ZCCHC7: variants seen among roughly 807,000 people sequenced by gnomAD.
ZCCHC7 encodes the protein zinc finger CCHC-type containing 7.
ZCCHC7 carries 35 observed loss-of-function variants against 52.0 expected under a neutral mutation model. The observed-to-expected ratio is 0.67, with a 90% CI of 0.51 to 0.89. ZCCHC7 has a LOEUF of 0.89. Ranked by LOEUF, ZCCHC7 falls within the 40% of genes least tolerant of loss-of-function variation. ZCCHC7 has a pLI of 0.00. For missense variants in ZCCHC7, 574 were observed against 649.1 expected (o/e 0.88, Z 1.26); for synonymous variants, 217 against 221.5 (o/e 0.98, Z 0.18).
chr9:37,299,935 A>C (rs1425740598), intron 2 of ZCCHC7, among the ~76,000 whole-genome samples: 3 of 152,194 alleles, frequency 2.0e-5, no homozygotes, highest in Non-Finnish European at 4.4e-5. Flanking sequence ...AATGGATTGA[A>C]AATACAGTTT....
chr9:37,139,578 A>G (rs766984745), intron 2 of ZCCHC7, among the ~76,000 whole-genome samples: 13 of 151,988 alleles, frequency 8.6e-5, no homozygotes, highest in Non-Finnish European at 1.5e-4. Context: ...TAGAATTCCA[A>G]CTTTTGTCAG....
At chr9:37,343,309 G>C (rs930664986) in intron 6 of ZCCHC7, among the ~76,000 whole-genome samples, 1 of 152,186 alleles carries the variant, frequency 6.6e-6, no homozygotes, top group African/African-American at 2.4e-5. Context: ...TCAGGCTCTG[G>C]CCTAACAGCA....
At chr9:37,338,053 G>T (rs1238791257) in intron 6 of ZCCHC7, among the ~76,000 whole-genome samples, 1 of 152,130 alleles carries the variant, frequency 6.6e-6, no homozygotes, top group Non-Finnish European at 1.5e-5. Context: ...AGAAAATTGG[G>T]ATGCTTTTTA....
intron 2 of ZCCHC7, among the ~76,000 whole-genome samples, chr9:37,229,440 A>C (rs1825289928): frequency 6.6e-6 from 1 of 152,192 alleles, no homozygotes; most frequent in South Asian, 2.1e-4. Context: ...AGCCTCATGC[A>C]CACCTAGGCC....
intron 2 of ZCCHC7, among the ~76,000 whole-genome samples, chr9:37,296,863 C>T (rs1828805211): frequency 6.8e-6 from 1 of 147,428 alleles, no homozygotes; most frequent in South Asian, 2.1e-4. Context: ...TAGGCATGCA[C>T]CACCATACCT....
chr9:37,296,691 TTTAC>T (rs1030665019), intron 2 of ZCCHC7, among the ~76,000 whole-genome samples: 22 of 152,238 alleles, frequency 1.4e-4, no homozygotes, highest in East Asian at 5.8e-4. Context: ...CACACTTAGT[TTTAC>T]TTACTTACTT....
intron 2 of ZCCHC7, among the ~76,000 whole-genome samples, chr9:37,250,300 C>CTCT (rs1291517204): frequency 4.5e-5 from 6 of 132,448 alleles, no homozygotes; most frequent in African/African-American, 1.4e-4. Context: ...CTTTCTCTCT[C>CTCT]TTTTTTTTTT....
At chr9:37,166,624 T>C (rs760731096) in intron 2 of ZCCHC7, among the ~76,000 whole-genome samples, 3 of 152,178 alleles carry the variant, frequency 2.0e-5, no homozygotes, top group Non-Finnish European at 2.9e-5. Context: ...TATTTGCTCT[T>C]ATTTTTCTGT....
chr9:37,127,200 T>G (rs907330009), intron 2 of ZCCHC7, among the ~76,000 whole-genome samples: 9 of 152,212 alleles, frequency 5.9e-5, no homozygotes, highest in Admixed American at 2.6e-4. Flanking sequence ...TCTTCCTGTT[T>G]GGCTAGAGCC....
chr9:37,261,100 G>A (rs956056462), intron 2 of ZCCHC7, among the ~76,000 whole-genome samples: 1 of 152,080 alleles, frequency 6.6e-6, no homozygotes, highest in Non-Finnish European at 1.5e-5. Context: ...GAGTTTTGGT[G>A]GTTGTTGATA....
At chr9:37,138,710 T>C (rs1182115966) in intron 2 of ZCCHC7, among the ~76,000 whole-genome samples, 1 of 151,714 alleles carries the variant, frequency 6.6e-6, no homozygotes, top group Admixed American at 6.6e-5. Flanking sequence ...TTTTTTTTTT[T>C]TTTTTTTAGA....
intron 6 of ZCCHC7, among the ~76,000 whole-genome samples, chr9:37,332,067 T>C (rs556941761): frequency 6.6e-6 from 1 of 151,784 alleles, no homozygotes; most frequent in East Asian, 1.9e-4. Context: ...AGAAATACTC[T>C]TGTATAAATT....
intron 2 of ZCCHC7, among the ~76,000 whole-genome samples, chr9:37,278,034 G>GTGTGTGTTTTGTTTTGCTTTGTTT (rs74182939): frequency 7.0e-6 from 1 of 142,860 alleles, no homozygotes; most frequent in African/African-American, 2.6e-5. Flanking sequence ...GTGTGTGTGT[G>GTGTGTGTTTTGTTTTGCTTTGTTT]TGTTTTGTTT....
At chr9:37,355,870 G>A (rs1198893144) in intron 8 of ZCCHC7, among the ~76,000 whole-genome samples, 1 of 152,136 alleles carries the variant, frequency 6.6e-6, no homozygotes, top group Admixed American at 6.5e-5. Flanking sequence ...TTATGATTAG[G>A]CAACCAAATT....
chr9:37,290,892 T>C (rs185065148), intron 2 of ZCCHC7, among the ~76,000 whole-genome samples: 22 of 152,320 alleles, frequency 1.4e-4, no homozygotes, highest in Admixed American at 4.6e-4. Context: ...ATTCATTATT[T>C]CCAGTTGTAC....
At chr9:37,288,348 A>AT (rs34571526) in intron 2 of ZCCHC7, among the ~76,000 whole-genome samples, 92,633 of 141,324 alleles carry the variant, frequency 0.66, 30,454 homozygotes, top group East Asian at 0.85. Flanking sequence ...AGGTAGATAG[A>AT]TTTTTTTTTT....
chr9:37,134,396 T>C (rs1299304103), intron 2 of ZCCHC7, among the ~76,000 whole-genome samples: 1 of 152,248 alleles, frequency 6.6e-6, no homozygotes, highest in East Asian at 1.9e-4. Flanking sequence ...GAAGCTTGAT[T>C]AAATTCAGAT....
chr9:37,346,213 G>A (rs1305109201), intron 6 of ZCCHC7, among the ~76,000 whole-genome samples: 1 of 152,110 alleles, frequency 6.6e-6, no homozygotes, highest in Non-Finnish European at 1.5e-5. Context: ...ATGTTGGTCA[G>A]GATGGTCTCA....
chr9:37,251,035 G>A (rs552893758), intron 2 of ZCCHC7, among the ~76,000 whole-genome samples: 61 of 152,224 alleles, frequency 4.0e-4, no homozygotes, highest in African/African-American at 1.4e-3. Flanking sequence ...TCAAATTGAA[G>A]TTCTCTCAGT....
Sources: allele counts gnomAD v4.1 joint callset (sites outside exome capture counted in the v4.1 genomes callset), GRCh38; gene constraint gnomAD v4.1.1; transcripts MANE v1.5; gene names NCBI Gene and HGNC (gene_info 2026-07-23, HGNC 2026-07-21).